PLEKHF2: variants seen among roughly 807,000 people sequenced by gnomAD.
PLEKHF2 encodes pleckstrin homology and FYVE domain containing 2.
Under a neutral mutation model 14.7 loss-of-function variants are expected in PLEKHF2, and 4 were observed. The observed-to-expected ratio is 0.27, with a 90% CI of 0.13 to 0.62. The LOEUF (loss-of-function observed/expected upper bound fraction) is 0.62, where lower values mean the gene tolerates loss of function less well. Among genes scored for constraint, PLEKHF2 ranks in the 20% least tolerant of loss-of-function variants. The probability of loss-of-function intolerance (pLI) is 0.85; values close to 1 mark genes in which losing one functional copy is unlikely to be tolerated. For missense variants in PLEKHF2, 201 were observed against 307.7 expected (o/e 0.65, Z 2.60); for synonymous variants, 90 against 103.5 (o/e 0.87, Z 0.79).
At chr8:95,150,600 G>A (rs1413352760) in intron 1 of PLEKHF2, among the ~76,000 whole-genome samples, 2 of 152,126 alleles carry the variant, frequency 1.3e-5, no homozygotes, top group South Asian at 2.1e-4. Context: ...TATTAAACAG[G>A]GAGAAAGATT....
intron 1 of PLEKHF2, among the ~76,000 whole-genome samples, chr8:95,148,699 A>G (rs1810527242): frequency 6.6e-6 from 1 of 152,088 alleles, no homozygotes; most frequent in East Asian, 1.9e-4. Flanking sequence ...ATTCCCATGT[A>G]CAAGTAAGGA....
intron 1 of PLEKHF2, among the ~76,000 whole-genome samples, chr8:95,142,189 G>C (rs1312758886): frequency 6.6e-6 from 1 of 152,124 alleles, no homozygotes; most frequent in East Asian, 1.9e-4. Flanking sequence ...GATGTCACAG[G>C]ATAACTAATT....
chr8:95,138,166 C>G (rs1810397280), intron 1 of PLEKHF2, among the ~76,000 whole-genome samples: 1 of 152,156 alleles, frequency 6.6e-6, no homozygotes, highest in Non-Finnish European at 1.5e-5. Flanking sequence ...CTGCTTTATA[C>G]TAGTTACTTT....
At chr8:95,149,016 GAAAAC>G (rs1453951494) in intron 1 of PLEKHF2, among the ~76,000 whole-genome samples, 1 of 149,526 alleles carries the variant, frequency 6.7e-6, no homozygotes, top group African/African-American at 2.5e-5. Flanking sequence ...AATATACTAG[GAAAAC>G]AAAAAAAAAG....
intron 1 of PLEKHF2, among the ~76,000 whole-genome samples, chr8:95,150,916 A>G (rs1012648502): frequency 1.3e-5 from 2 of 152,016 alleles, no homozygotes; most frequent in Admixed American, 1.3e-4. Context: ...AAGTTATTTA[A>G]CCCCTCTTTG....
intron 1 of PLEKHF2, 101 bp downstream of exon 1, chr8:95,134,131 C>T (rs1017026651): frequency 9.2e-5 from 14 of 151,614 alleles, no homozygotes; most frequent in African/African-American, 3.4e-4. Flanking sequence ...GGAGCCGTCG[C>T]AGCGCCGGGA....
At chr8:95,142,683 A>G (rs1277074150) in intron 1 of PLEKHF2, among the ~76,000 whole-genome samples, 7 of 152,228 alleles carry the variant, frequency 4.6e-5, no homozygotes, top group African/African-American at 1.4e-4. Flanking sequence ...TATGCACGTA[A>G]TCATCATTTT....
In PLEKHF2 at chr8:95,154,515, A is replaced by G. The variant is rs941122170; in HGVS notation, c.471A>G (p.Val157=). Residue 157 remains valine, a synonymous_variant, in exon 2 of 2, where the codon GTA becomes GTG. Transcript: ENST00000315367. The surrounding 1 kb of genome is among the most constrained non-coding windows in gnomAD (Gnocchi z 5.6). ...AVWVPDSEAT[V]CMRCQKAKFT... ...GGGTTCCTGACTCTGAGGCAACTGT[A>G]TGTATGCGTTGTCAGAAAGCAAAAT... is the stretch of plus-strand genomic sequence containing the variant. 6.2e-7 allele frequency: 1 copy of G among 1,614,172 alleles called. No homozygotes were observed. The highest frequency in any genetic ancestry group is 1.1e-5 in the South Asian group (1 of 91,088).
chr8:95,139,002 C>T (rs1357946618), intron 1 of PLEKHF2, among the ~76,000 whole-genome samples: 1 of 152,134 alleles, frequency 6.6e-6, no homozygotes, highest in Non-Finnish European at 1.5e-5. Flanking sequence ...AGTGTATATA[C>T]AGTATTGTCA....
chr8:95,141,445 A>T (rs930092680), intron 1 of PLEKHF2, among the ~76,000 whole-genome samples: 34 of 152,224 alleles, frequency 2.2e-4, no homozygotes, highest in African/African-American at 8.2e-4. Context: ...AGTCTTAGAT[A>T]TTAACAAGAT....
intron 1 of PLEKHF2, among the ~76,000 whole-genome samples, chr8:95,138,953 C>G (rs2514569): frequency 0.22 from 33,839 of 152,166 alleles, 4,907 homozygotes; most frequent in East Asian, 0.47. Context: ...CTTTCTAAAG[C>G]ATTTCTATTG....
intron 1 of PLEKHF2, among the ~76,000 whole-genome samples, chr8:95,147,301 ACTGT>A (rs1193875958): frequency 6.6e-6 from 1 of 151,962 alleles, no homozygotes; most frequent in African/African-American, 2.4e-5. Flanking sequence ...ATAAAATTAG[ACTGT>A]CTGGGGGAAG....
chr8:95,140,949 CTT>C (rs1810432843), intron 1 of PLEKHF2, among the ~76,000 whole-genome samples: 1 of 151,770 alleles, frequency 6.6e-6, no homozygotes, highest in Non-Finnish European at 1.5e-5. Flanking sequence ...TTTTTTCCTT[CTT>C]TGTCAGTTAC....
intron 1 of PLEKHF2, among the ~76,000 whole-genome samples, chr8:95,149,021 CAA>C (rs575859215): frequency 1.2e-4 from 18 of 148,238 alleles, no homozygotes; most frequent in African/African-American, 4.2e-4. Context: ...ACTAGGAAAA[CAA>C]AAAAAAAGGG....
chr8:95,150,937 C>T (rs1269395473), intron 1 of PLEKHF2, among the ~76,000 whole-genome samples: 1 of 152,082 alleles, frequency 6.6e-6, no homozygotes, highest in Non-Finnish European at 1.5e-5. Context: ...GCTGTTTACT[C>T]ATCCATAAAA....
In PLEKHF2 at chr8:95,154,446, C is replaced by T. The variant is rs1563884820; in HGVS notation, c.402C>T (p.Leu134=). ...NHINKCVTDL[L]SKSGKTPSNE... is the part of the protein sequence containing the mutation. Reference sequence around the variant, plus strand: ...TAAATAAATGTGTTACTGATTTACTCTCCAAAAGTGGGAAGACACCCAGTA... The same window carrying T: ...TAAATAAATGTGTTACTGATTTACTTTCCAAAAGTGGGAAGACACCCAGTA... Residue 134 remains leucine (L), a synonymous_variant, in exon 2 of 2, where the codon CTC becomes CTT. Transcript: ENST00000315367. The surrounding 1 kb of genome is among the most constrained non-coding windows in gnomAD (Gnocchi z 5.6). The T allele has an allele frequency of 6.2e-7, 1 of 1,614,050 alleles. No individual in the cohort carries two copies. The highest frequency in any genetic ancestry group is 8.5e-7 in the Non-Finnish European group (1 of 1,179,922).
rs576604598 is a variant in PLEKHF2 at position 95,144,596 on chromosome 8, G to T, written c.-14-9435G>T. Among the ~76,000 whole-genome samples the T allele has an allele frequency of 2.4e-3, 368 of 152,278 alleles. 2 individuals carry two copies. The Middle Eastern group carries it at 0.037, about 15-fold the overall frequency. ...CATTTAAAAAAAATGGGTGGGCACG[G>T]TGGCTCACGCCTGTAATCCCAGCAA... On this transcript the variant is annotated intron_variant, in intron 1 of 1. Coordinates refer to ENST00000315367, the MANE Select transcript of PLEKHF2 (RefSeq NM_024613.4).
chr8:95,152,253 C>T (rs191368188), intron 1 of PLEKHF2, among the ~76,000 whole-genome samples: 3 of 152,170 alleles, frequency 2.0e-5, no homozygotes, highest in East Asian at 1.9e-4. Flanking sequence ...ATCAGTTCCT[C>T]TTGATGGCTA....
At chr8:95,142,927 G>T (rs1810453717) in intron 1 of PLEKHF2, among the ~76,000 whole-genome samples, 3 of 152,212 alleles carry the variant, frequency 2.0e-5, no homozygotes, top group African/African-American at 7.2e-5. Context: ...AATTAATATA[G>T]ATGTTAAAAA....
Sources: allele counts gnomAD v4.1 joint callset (sites outside exome capture counted in the v4.1 genomes callset), GRCh38; gene constraint gnomAD v4.1.1; non-coding constraint Gnocchi (gnomAD v3.1); transcripts MANE v1.5; gene names NCBI Gene and HGNC (gene_info 2026-07-23, HGNC 2026-07-21).